Variants in HS3ST3A1 observed in about 807,000 individuals in gnomAD.
HS3ST3A1 encodes heparan sulfate-glucosamine 3-sulfotransferase 3A1.
HS3ST3A1 carries 19 observed loss-of-function variants against 25.7 expected under a neutral mutation model. That is an observed-to-expected ratio of 0.74 (90% CI 0.52 to 1.08). The LOEUF is 1.08. Ranked by LOEUF, HS3ST3A1 falls within the 50% of genes least tolerant of loss-of-function variation. The pLI is 0.00. For synonymous variants in HS3ST3A1, 226 were observed against 278.6 expected (o/e 0.81, Z 1.88); for missense variants, 459 against 594.3 (o/e 0.77, Z 2.37).
At chr17:13,579,814 T>C (rs888982195) in intron 1 of HS3ST3A1, among the ~76,000 whole-genome samples, 5 of 146,762 alleles carry the variant, frequency 3.4e-5, no homozygotes, top group South Asian at 2.2e-4. Flanking sequence ...CTACTAAAAC[T>C]ACAAAAATTA....
intron 1 of HS3ST3A1, among the ~76,000 whole-genome samples, chr17:13,595,745 G>C (rs1325765593): frequency 6.6e-6 from 1 of 152,178 alleles, no homozygotes; most frequent in Non-Finnish European, 1.5e-5. Flanking sequence ...AAGGAAACGA[G>C]CTAAGAATAT....
rs143918367 is a variant in HS3ST3A1 at position 13,527,998 on chromosome 17, C to T, written c.600-31180G>A. ...GCTATCAACATTCATTCTTCTTGGC[C>T]CCCAGGAATAAGCAGTGCCTCCTGG... On this transcript the variant is annotated intron_variant, in intron 1 of 1. Transcript: ENST00000284110. 9.2e-5 allele frequency among the ~76,000 whole-genome samples: 14 copies of T among 152,090 alleles called. No individual in the cohort carries two copies. The East Asian group carries it at 2.1e-3, about 23-fold the overall frequency.
chr17:13,593,285 C>A (rs896757352), intron 1 of HS3ST3A1, among the ~76,000 whole-genome samples: 1 of 149,454 alleles, frequency 6.7e-6, no homozygotes, highest in South Asian at 2.1e-4. Flanking sequence ...TTCCTCTGAC[C>A]CTTATTTTAG....
chr17:13,543,056 T>C (rs556379943), intron 1 of HS3ST3A1, among the ~76,000 whole-genome samples: 2 of 152,320 alleles, frequency 1.3e-5, no homozygotes, highest in South Asian at 2.1e-4. Context: ...CCTCGCCCTA[T>C]GCATCTCTTC....
At chr17:13,511,788 G>C (rs1905869285) in intron 1 of HS3ST3A1, among the ~76,000 whole-genome samples, 1 of 151,140 alleles carries the variant, frequency 6.6e-6, no homozygotes, top group East Asian at 1.9e-4. Flanking sequence ...TTAAAAATTA[G>C]GAAGTCAATT....
At chr17:13,585,855 T>C (rs1382121684) in intron 1 of HS3ST3A1, among the ~76,000 whole-genome samples, 4 of 140,584 alleles carry the variant, frequency 2.8e-5, no homozygotes, top group African/African-American at 5.4e-5. Context: ...TTTTTTTTTT[T>C]TTTTTTTTTT....
rs904192125 is a variant in HS3ST3A1 at position 13,600,901 on chromosome 17, C to T, written c.229G>A (p.Glu77Lys). 2.5e-5 allele frequency: 38 copies of T among 1,513,924 alleles called. No individual in the cohort carries two copies. The highest frequency in any genetic ancestry group is 3.4e-5 in the Non-Finnish European group (38 of 1,134,038). 93.8% of individuals were successfully genotyped at this position (1,513,924 alleles called of 1,614,324 possible). ...GGGVLAGGPR[E>K]LAVWPAAAQR... is the part of the protein sequence containing the mutation. ...GCCGCCGCCGGCCACACCGCCAGCT[C>T]CCTCGGGCCTCCGGCCAGGACGCCG... Residue 77 changes from glutamate (E) to lysine (K), a missense_variant, in exon 1 of 2, where the codon GAG becomes AAG. By Grantham distance (56) the Glu-to-Lys change is moderately conservative. Coordinates refer to ENST00000284110, the MANE Select transcript of HS3ST3A1 (RefSeq NM_006042.3).
intron 1 of HS3ST3A1, among the ~76,000 whole-genome samples, chr17:13,506,054 T>G (rs906857266): frequency 1.9e-4 from 29 of 150,318 alleles, no homozygotes; most frequent in Non-Finnish European, 3.5e-4. Context: ...AAATTGGATT[T>G]CTGTTTCAGT....
At chr17:13,593,233 C>CAAAAAA (rs5819419) in intron 1 of HS3ST3A1, among the ~76,000 whole-genome samples, 22 of 103,174 alleles carry the variant, frequency 2.1e-4, no homozygotes, top group Non-Finnish European at 3.3e-4. Flanking sequence ...TGTTTGTAGC[C>CAAAAAA]AAAAAAAAAA....
Position 13,556,432 on chromosome 17 carries a change from C to T in HS3ST3A1, c.599+44099G>A, listed in dbSNP as rs545568223. Among the ~76,000 whole-genome samples, 43 of 151,636 alleles carry T rather than the reference C, an allele frequency of 2.8e-4. No individual in the cohort carries two copies. The South Asian group carries it at 4.4e-3, about 15-fold the overall frequency. On this transcript the variant is annotated intron_variant, in intron 1 of 1. Transcript: ENST00000284110. ...CTGAGGCAGGGGAATGGTGTGAACCCGGGAGGCGGAGCTTGCAGTGAGCCG... is the reference window on the plus strand; with the variant it reads ...CTGAGGCAGGGGAATGGTGTGAACCTGGGAGGCGGAGCTTGCAGTGAGCCG...
Position 13,601,245 on chromosome 17 carries a change from G to T in HS3ST3A1, c.-116C>A. The T allele has an allele frequency of 1.3e-6, 1 of 744,228 alleles. No individual in the cohort carries two copies. The highest frequency in any genetic ancestry group is 2.0e-6 in the Non-Finnish European group (1 of 497,728). 46.1% of individuals were successfully genotyped at this position (744,228 alleles called of 1,614,324 possible). On this transcript the variant is annotated 5_prime_UTR_variant, in exon 1 of 2. Transcript: ENST00000284110. ...CTGGACGGAGGCCACATCGCCGTGCGCCCCTGTGGCCGTGCGAACTGTCCC... is the reference window on the plus strand; with the variant it reads ...CTGGACGGAGGCCACATCGCCGTGCTCCCCTGTGGCCGTGCGAACTGTCCC...
intron 1 of HS3ST3A1, among the ~76,000 whole-genome samples, chr17:13,559,437 T>G (rs1164440670): frequency 6.6e-6 from 1 of 151,180 alleles, no homozygotes; most frequent in Non-Finnish European, 1.5e-5. Flanking sequence ...TTTTATTACA[T>G]GTGAATATAT....
At chr17:13,551,647 T>C (rs1479847752) in intron 1 of HS3ST3A1, among the ~76,000 whole-genome samples, 1 of 151,794 alleles carries the variant, frequency 6.6e-6, no homozygotes, top group Non-Finnish European at 1.5e-5. Flanking sequence ...ATTTTTACGT[T>C]ATTTTGAATA....
At chr17:13,550,737 A>C (rs1567621411) in intron 1 of HS3ST3A1, among the ~76,000 whole-genome samples, 1 of 143,106 alleles carries the variant, frequency 7.0e-6, no homozygotes, top group Non-Finnish European at 1.6e-5. Flanking sequence ...ACAACAACAA[A>C]ACAGATATAA....
At chr17:13,593,252 A>AAAAAAAAAAAAAAAAAAAAAG in intron 1 of HS3ST3A1, among the ~76,000 whole-genome samples, 1 of 151,058 alleles carries the variant, frequency 6.6e-6, no homozygotes, top group African/African-American at 2.4e-5. Context: ...AAAAAAAAAA[A>AAAAAAAAAAAAAAAAAAAAAG]AGTCATACGC....
chr17:13,575,549 G>C (rs1307073784), intron 1 of HS3ST3A1, among the ~76,000 whole-genome samples: 1 of 152,182 alleles, frequency 6.6e-6, no homozygotes, highest in Non-Finnish European at 1.5e-5. Context: ...TCAGCTCACA[G>C]CTTATTCTAG....
intron 1 of HS3ST3A1, among the ~76,000 whole-genome samples, chr17:13,548,680 G>A (rs1907156234): frequency 6.6e-6 from 1 of 152,176 alleles, no homozygotes; most frequent in Non-Finnish European, 1.5e-5. Flanking sequence ...CTAAAGGATT[G>A]TAAACACACC....
At chr17:13,553,215 A>C (rs962347856) in intron 1 of HS3ST3A1, among the ~76,000 whole-genome samples, 4 of 152,146 alleles carry the variant, frequency 2.6e-5, no homozygotes, top group Admixed American at 1.3e-4. Flanking sequence ...TCCTCCCTTC[A>C]GCTATGACAG....
chr17:13,521,612 G>T (rs951244824), intron 1 of HS3ST3A1, among the ~76,000 whole-genome samples: 2 of 152,136 alleles, frequency 1.3e-5, no homozygotes, highest in Non-Finnish European at 1.5e-5. Context: ...GGCCTTCAAG[G>T]TCTCACAAGT....
Sources: allele counts gnomAD v4.1 joint callset (sites outside exome capture counted in the v4.1 genomes callset), GRCh38; gene constraint gnomAD v4.1.1; transcripts MANE v1.5; gene names NCBI Gene and HGNC (gene_info 2026-07-23, HGNC 2026-07-21).